VCL: variants seen among roughly 807,000 people sequenced by gnomAD.
VCL encodes the protein vinculin, also known as epididymis luminal protein 114.
In VCL, 47 loss-of-function variants were observed where a neutral mutation model predicts 125.7. The ratio of observed to expected loss-of-function variants is 0.37; its 90% CI spans 0.30 to 0.48. The LOEUF (loss-of-function observed/expected upper bound fraction) is 0.48. Ranked by LOEUF, VCL falls within the 20% of genes least tolerant of loss-of-function variation. VCL has a pLI of 0.99. For synonymous variants in VCL, 458 were observed against 514.6 expected (o/e 0.89, Z 1.49); for missense variants, 1,069 against 1,455.5 (o/e 0.73, Z 4.32).
intron 5 of VCL, among the ~76,000 whole-genome samples, chr10:74,073,408 C>T (rs1839522566): frequency 6.6e-6 from 1 of 152,164 alleles, no homozygotes; most frequent in Non-Finnish European, 1.5e-5. Flanking sequence ...TTTCTGTGGC[C>T]TAATTCTGTT....
intron 6 of VCL, chr10:74,076,049 G>A (rs1268507460): frequency 6.6e-6 from 1 of 152,516 alleles, no homozygotes; most frequent in Non-Finnish European, 1.5e-5. Flanking sequence ...TCACTTCCCT[G>A]TTATGACTTC....
chr10:74,071,140 A>AGGAAAGG lies in VCL; in HGVS notation c.499+59_499+65dup, dbSNP rs761167375. On this transcript the variant is annotated intron_variant, in intron 4 of 21. Coordinates refer to ENST00000211998, the MANE Select transcript of VCL (RefSeq NM_014000.3). This position sits in a 1 kb window ranked among gnomAD's most constrained non-coding sequence, Gnocchi z 4.1. ...TAAGGATTGTCCATGTTGGAGCCAA[A>AGGAAAGG]GGAAAGGGTACCCTCTTCCTACTTT... 2 of 1,541,922 alleles carry AGGAAAGG rather than the reference A, an allele frequency of 1.3e-6. No homozygotes were observed. The highest frequency in any genetic ancestry group is 1.8e-6 in the Non-Finnish European group (2 of 1,115,608).
chr10:74,094,198 G>T, intron 10 of VCL, 73 bp from the exon 11 acceptor site: 1 of 1,582,492 alleles, frequency 6.3e-7, no homozygotes, highest in South Asian at 1.1e-5. Context: ...ATTAGCATTT[G>T]TCATTAGCAG....
chr10:74,058,343 C>T (rs570111209), intron 2 of VCL, among the ~76,000 whole-genome samples: 3 of 152,268 alleles, frequency 2.0e-5, no homozygotes, highest in African/African-American at 7.2e-5. Flanking sequence ...AACAAGCTCT[C>T]TCTCTCTAAT....
intron 8 of VCL, among the ~76,000 whole-genome samples, chr10:74,087,639 C>T (rs1184229922): frequency 1.3e-5 from 2 of 148,234 alleles, no homozygotes; most frequent in African/African-American, 2.5e-5. Context: ...GGATTACAGG[C>T]GTGAGCCACC....
At chr10:74,010,176 C>T (rs142702391) in intron 1 of VCL, among the ~76,000 whole-genome samples, 5 of 152,314 alleles carry the variant, frequency 3.3e-5, no homozygotes, top group South Asian at 4.1e-4. Flanking sequence ...CCATCCGCCT[C>T]GGATTCCCAA....
chr10:74,112,688 A>G (rs1463939410), intron 19 of VCL, among the ~76,000 whole-genome samples: 1 of 151,998 alleles, frequency 6.6e-6, no homozygotes, highest in African/African-American at 2.4e-5. Flanking sequence ...GTGGGAGGGA[A>G]TGGGAGTGGG....
rs1490588181 is a variant in VCL, at chr10:74,098,032, C to T, written c.1872+700C>T. 3.3e-5 allele frequency among the ~76,000 whole-genome samples: 5 copies of T among 152,140 alleles called. No homozygotes were observed. In the South Asian group the frequency reaches 8.3e-4, roughly 25 times the overall value. Reference sequence around the variant, plus strand: ...CATGTTTCGCTCCTGTGAGCTGGCACGAGTCGGTACAGGTGGCTTTAGCAC... The same window carrying T: ...CATGTTTCGCTCCTGTGAGCTGGCATGAGTCGGTACAGGTGGCTTTAGCAC... On this transcript the variant is annotated intron_variant, in intron 13 of 21. Transcript: ENST00000211998.
At chr10:74,003,743 A>T (rs1031120393) in intron 1 of VCL, among the ~76,000 whole-genome samples, 6 of 152,118 alleles carry the variant, frequency 3.9e-5, no homozygotes, top group African/African-American at 1.4e-4. Flanking sequence ...TTGTTTAGAG[A>T]TGGAGTCGCT....
chr10:74,096,989 G>T (rs1839978905), intron 12 of VCL, among the ~76,000 whole-genome samples: 1 of 152,120 alleles, frequency 6.6e-6, no homozygotes, highest in South Asian at 2.1e-4. Context: ...GGACATGTGG[G>T]TCATGTCTTA....
intron 1 of VCL, among the ~76,000 whole-genome samples, chr10:74,022,797 C>T (rs1458838202): frequency 7.3e-5 from 11 of 151,570 alleles, no homozygotes; most frequent in Admixed American, 3.9e-4. Flanking sequence ...CCACCACACC[C>T]GGCTAAATTT....
chr10:74,049,429 C>A (rs533782421), intron 2 of VCL, among the ~76,000 whole-genome samples: 1 of 152,180 alleles, frequency 6.6e-6, no homozygotes, highest in African/African-American at 2.4e-5. Flanking sequence ...TATTTTAAGA[C>A]GTTTCCAATT....
At chr10:74,030,324 A>G (rs1840851721) in intron 1 of VCL, among the ~76,000 whole-genome samples, 1 of 152,210 alleles carries the variant, frequency 6.6e-6, no homozygotes, top group African/African-American at 2.4e-5. Flanking sequence ...TTTCTTTTTA[A>G]TGTGAAATTT....
At chr10:74,074,652 A>T in intron 5 of VCL, 91 bp from the exon 6 acceptor site, 1 of 1,490,330 alleles carries the variant, frequency 6.7e-7, no homozygotes, top group East Asian at 2.3e-5. Context: ...TTAAAAGCCC[A>T]AAACATCTAA....
intron 5 of VCL, 54 bp downstream of exon 5, chr10:74,072,906 A>G (rs1839509578): frequency 6.2e-7 from 1 of 1,611,604 alleles, no homozygotes; most frequent in South Asian, 1.1e-5. Flanking sequence ...AGCATGTTCT[A>G]AACTCTGAGG....
intron 1 of VCL, among the ~76,000 whole-genome samples, chr10:73,998,834 C>T (rs1840169207): frequency 6.6e-6 from 1 of 152,098 alleles, no homozygotes; most frequent in Non-Finnish European, 1.5e-5. Context: ...CCCACGGATC[C>T]CTTGCCTTCT....
At chr10:74,045,940 G>T (rs924960560) in intron 2 of VCL, among the ~76,000 whole-genome samples, 6 of 152,070 alleles carry the variant, frequency 3.9e-5, no homozygotes, top group Non-Finnish European at 7.4e-5. Context: ...AAAGCTAAAA[G>T]TGTTCCTTTA....
At chr10:74,113,804 A>C (rs756541386) in intron 19 of VCL, among the ~76,000 whole-genome samples, 4 of 152,140 alleles carry the variant, frequency 2.6e-5, no homozygotes, top group Non-Finnish European at 5.9e-5. Flanking sequence ...CCCTGTCCCC[A>C]GTTTATTGAT....
At chr10:74,010,968 G>A (rs1380967787) in intron 1 of VCL, among the ~76,000 whole-genome samples, 1 of 151,924 alleles carries the variant, frequency 6.6e-6, no homozygotes, top group Non-Finnish European at 1.5e-5. Context: ...TCAGGAGTTC[G>A]AGACCAGCCT....
Sources: allele counts gnomAD v4.1 joint callset (sites outside exome capture counted in the v4.1 genomes callset), GRCh38; gene constraint gnomAD v4.1.1; non-coding constraint Gnocchi (gnomAD v3.1); transcripts MANE v1.5; gene names NCBI Gene and HGNC (gene_info 2026-07-23, HGNC 2026-07-21).